The following PASK variants were observed in gnomAD, a reference collection of about 807,000 sequenced individuals.
The protein encoded by PASK is PAS domain-containing serine/threonine-protein kinase.
A neutral mutation model predicts 121.0 loss-of-function variants in PASK; 110 were observed. The ratio of observed to expected loss-of-function variants is 0.91; its 90% CI spans 0.78 to 1.06. PASK has a LOEUF of 1.06. Among genes scored for constraint, PASK ranks in the 50% least tolerant of loss-of-function variants. The pLI, the probability that PASK is intolerant of heterozygous loss-of-function variation, is 0.00. For missense variants in PASK, 1,643 were observed against 1,702.3 expected, an observed-to-expected ratio of 0.97 and a Z score of 0.61; for synonymous variants, 686 against 717.8, an observed-to-expected ratio of 0.96 and a Z score of 0.71.
rs144733997 is a variant in PASK at position 241,126,350 on chromosome 2, A to G, written c.2565T>C (p.Pro855=). 2.5e-6 allele frequency: 4 copies of G among 1,614,106 alleles called. No individual in the cohort carries two copies. The African/African-American group carries it at 5.3e-5, about 22-fold the overall frequency. ...CCTCTGCTGATGGGCACGTGTCCTC[A>G]GGGCCAGCATCCAACGTGGAAGGAA... ...GHVPSTLDAG[P]EDTCPSAEEP... Residue 855 remains proline, a synonymous_variant, in exon 10 of 18, where the codon CCT becomes CCC. Coordinates refer to ENST00000234040, the MANE Select transcript of PASK (RefSeq NM_015148.4).
chr2:241,132,397 TC>T lies in PASK; in HGVS notation c.1463+476del, dbSNP rs1328066115. Reference sequence around the variant, plus strand: ...CGGGCGTGGTGGCGGGCGCCTGTAGTCCCCAGCTACTCGGGAGGCTGAGGCA... The same window carrying T: ...CGGGCGTGGTGGCGGGCGCCTGTAGTCCCAGCTACTCGGGAGGCTGAGGCA... On this transcript the variant is annotated intron_variant, in intron 9 of 17. Transcript: ENST00000234040. Among the ~76,000 whole-genome samples the T allele has an allele frequency of 2.1e-4, 32 of 151,210 alleles. No individual in the cohort carries two copies. The Middle Eastern group carries it at 0.024, about 113-fold the overall frequency.
upstream of PASK, chr2:241,149,525 C>A: frequency 1.2e-6 from 1 of 853,114 alleles, no homozygotes; most frequent in Non-Finnish European, 1.8e-6. Context: ...TGACAAGCTC[C>A]ACGGACCAGC....
intron 1 of PASK, among the ~76,000 whole-genome samples, chr2:241,146,014 A>G (rs1424850218): frequency 2.6e-5 from 4 of 152,202 alleles, no homozygotes; most frequent in Non-Finnish European, 5.9e-5. Flanking sequence ...AACAAGCCAC[A>G]ATTTGGGAGA....
At chr2:241,147,632 T>C (rs569227405) in intron 1 of PASK, among the ~76,000 whole-genome samples, 11 of 151,742 alleles carry the variant, frequency 7.2e-5, no homozygotes, top group Admixed American at 4.6e-4. Context: ...AAAAATAAAA[T>C]AATAAAAAAG....
At position 241,140,065 on chromosome 2, in the gene PASK, C is replaced by T; in HGVS notation, c.430-10G>A. 1 of 1,612,762 alleles carries T rather than the reference C, an allele frequency of 6.2e-7. No individual in the cohort carries two copies. Among genetic ancestry groups the T allele is most frequent in the Non-Finnish European group, 8.5e-7 (1 of 1,179,020 alleles). On this transcript the variant is annotated splice_polypyrimidine_tract_variant and intron_variant, in intron 3 of 17. Transcript: ENST00000234040. ...CGTTAGCAACCAGGATCTGAGGAAT[C>T]ACAAAGAGGAGCAAGGATGCAGACA... is the stretch of plus-strand genomic sequence containing the variant.
intron 12 of PASK, among the ~76,000 whole-genome samples, chr2:241,120,537 C>T (rs956205466): frequency 1.3e-5 from 2 of 151,910 alleles, no homozygotes; most frequent in South Asian, 4.2e-4. Context: ...GACATTTCTC[C>T]AAAGAAGATT....
In PASK at chr2:241,112,562, GGGACA is replaced by G. The variant is rs1038387973; in HGVS notation, c.3334-128_3334-124del. The G allele has an allele frequency of 3.0e-5, 20 of 656,194 alleles. No individual in the cohort carries two copies. The Admixed American group carries it at 4.6e-4, about 15-fold the overall frequency. The allele number at this position is 656,194 out of a possible 1,614,324, so 40.6% of individuals were successfully genotyped here. ...TAAACCTCCGACTCATAATGAACTG[GGGACA>G]GGAAAGATTTTTCAATGCTGAAGAT... On this transcript the variant is annotated intron_variant, in intron 14 of 17. Coordinates refer to ENST00000234040, the MANE Select transcript of PASK (RefSeq NM_015148.4). This position sits in a 1 kb window ranked among gnomAD's most constrained non-coding sequence, Gnocchi z 5.2.
intron 11 of PASK, among the ~76,000 whole-genome samples, chr2:241,123,320 C>T (rs1055020618): frequency 1.3e-5 from 2 of 152,000 alleles, no homozygotes; most frequent in Non-Finnish European, 2.9e-5. Flanking sequence ...GGACTACAGG[C>T]GCCCACCACT....
chr2:241,137,276 GCT>G lies in PASK; in HGVS notation c.877-14_877-13del, dbSNP rs2066479410. The G allele has an allele frequency of 1.2e-6, 2 of 1,612,238 alleles. No individual in the cohort carries two copies. The highest frequency in any genetic ancestry group is 4.5e-5 in the East Asian group (2 of 44,882). ...TGAATCTTGAGATTCTGAAAGAAAG[GCT>G]TGTCGTTTGGCTTAAGCCGTGTTTC... On this transcript the variant is annotated splice_polypyrimidine_tract_variant and intron_variant, in intron 6 of 17. Transcript: ENST00000234040.
chr2:241,113,996 A>T lies in PASK; in HGVS notation c.3333+1047T>A, dbSNP rs373211580. On this transcript the variant is annotated intron_variant, in intron 14 of 17. Coordinates refer to ENST00000234040, the MANE Select transcript of PASK (RefSeq NM_015148.4). The stretch of plus-strand genomic sequence containing the variant: ...AGGGGTAGAGATTCTTTTGGCAAAA[A>T]TTTTAGAGTATAAACACCATAATTA... 2,676 of 978,914 alleles carry T rather than the reference A, an allele frequency of 2.7e-3. 48 individuals carry two copies. The African/African-American group carries it at 0.045, about 16-fold the overall frequency. The allele number at this position is 978,914 out of a possible 1,614,324, so 60.6% of individuals were successfully genotyped here. A position where few individuals can be genotyped will look rare whatever the true frequency, so the allele number is the denominator to read the frequency against.
chr2:241,147,113 A>C (rs1440260055), intron 1 of PASK, among the ~76,000 whole-genome samples: 1 of 152,228 alleles, frequency 6.6e-6, no homozygotes, highest in Non-Finnish European at 1.5e-5. Flanking sequence ...CAAATGCACT[A>C]ATTATTGCCA....
chr2:241,106,736 G>A lies in PASK; in HGVS notation c.3815-13C>T, dbSNP rs3732227. 0.045 allele frequency: 72,578 copies of A among 1,613,188 alleles called. 9,636 individuals carry two copies. The highest frequency in any genetic ancestry group is 0.42 in the African/African-American group (31,160 of 74,872). ...AGAACTCCACTTTCTGAAGAAACAA[G>A]AAGGTAACTGTATCACGTGCTAACA... On this transcript the variant is annotated splice_polypyrimidine_tract_variant and intron_variant, in intron 17 of 17. Transcript: ENST00000234040.
At chr2:241,116,105 C>A (rs2065354282) in intron 12 of PASK, among the ~76,000 whole-genome samples, 1 of 144,038 alleles carries the variant, frequency 6.9e-6, no homozygotes, top group African/African-American at 2.7e-5. Flanking sequence ...CCAGGGACAC[C>A]CAATCCTCAA....
chr2:241,126,465 C>G lies in PASK; in HGVS notation c.2450G>C (p.Cys817Ser), dbSNP rs766613011. 1.2e-6 allele frequency: 2 copies of G among 1,614,246 alleles called. No homozygotes were observed. The highest frequency in any genetic ancestry group is 1.7e-6 in the Non-Finnish European group (2 of 1,180,040). The change falls in exon 10 of 18, where the codon TGT becomes TCT. Residue 817 changes from cysteine to serine, a missense_variant. By Grantham distance (112) the Cys-to-Ser change is moderately radical. Coordinates refer to ENST00000234040, the MANE Select transcript of PASK (RefSeq NM_015148.4). ...CGGTTCTGTTGGATCATGTCCCACA[C>G]AGCTCTCCCGGAACCGTCGGCCTTG... ...LGQGRRFRES[C>S]VGHDPTEPLE...
chr2:241,121,961 T>C (rs1321522198), intron 12 of PASK, among the ~76,000 whole-genome samples: 1 of 152,164 alleles, frequency 6.6e-6, no homozygotes, highest in Non-Finnish European at 1.5e-5. Flanking sequence ...ATGTTCTCTA[T>C]AAAGAAATTA....
chr2:241,133,345 C>G, intron 8 of PASK: 2 of 417,316 alleles, frequency 4.8e-6, no homozygotes, highest in Admixed American at 3.6e-5. Flanking sequence ...TCGGCCATGG[C>G]CCCCCAACTC....
chr2:241,119,319 AC>A (rs2065502641), intron 12 of PASK, among the ~76,000 whole-genome samples: 1 of 151,960 alleles, frequency 6.6e-6, no homozygotes, highest in African/African-American at 2.4e-5. Context: ...TGTGCACGCC[AC>A]CCCACTTCCG....
chr2:241,136,718 G>A (rs981286134), intron 7 of PASK, among the ~76,000 whole-genome samples: 15 of 152,178 alleles, frequency 9.9e-5, no homozygotes, highest in Admixed American at 2.0e-4. Flanking sequence ...ATGAACCCCC[G>A]CAGTTGTGTC....
At chr2:241,141,271 T>A (rs1480709774) in intron 2 of PASK, among the ~76,000 whole-genome samples, 1 of 152,090 alleles carries the variant, frequency 6.6e-6, no homozygotes, top group Non-Finnish European at 1.5e-5. Context: ...TGAGCAACAG[T>A]CAGACCTTGT....
Sources: allele counts gnomAD v4.1 joint callset (sites outside exome capture counted in the v4.1 genomes callset), GRCh38; gene constraint gnomAD v4.1.1; non-coding constraint Gnocchi (gnomAD v3.1); transcripts MANE v1.5; gene names NCBI Gene and HGNC (gene_info 2026-07-23, HGNC 2026-07-21).